GALNT11: variants seen among roughly 807,000 people sequenced by gnomAD.
GALNT11 encodes the protein UDP-GalNAc:polypeptide N-acetylgalactosaminyltransferase 11.
Under a neutral mutation model 72.7 loss-of-function variants are expected in GALNT11, and 47 were observed. That is an observed-to-expected ratio of 0.65 (90% CI 0.51 to 0.82). The LOEUF is 0.82. Ranked by LOEUF, GALNT11 falls within the 40% of genes least tolerant of loss-of-function variation. The probability of loss-of-function intolerance (pLI) is 0.00; values close to 1 mark genes in which losing one functional copy is unlikely to be tolerated. For synonymous variants in GALNT11, 270 were observed against 286.6 expected, an observed-to-expected ratio of 0.94 and a Z score of 0.58; for missense variants, 677 against 778.4, an observed-to-expected ratio of 0.87 and a Z score of 1.55.
At chr7:152,107,582 G>GT (rs1160651265) in intron 5 of GALNT11, 2 of 158,544 alleles carry the variant, frequency 1.3e-5, no homozygotes, top group Non-Finnish European at 2.8e-5. Flanking sequence ...GTTTACTGAG[G>GT]CAGAGAGATG....
At chr7:152,052,234 C>T (rs1223734530) in intron 1 of GALNT11, among the ~76,000 whole-genome samples, 3 of 152,060 alleles carry the variant, frequency 2.0e-5, no homozygotes, top group Admixed American at 6.6e-5. Context: ...GTATATATCA[C>T]AGTTTGCTTA....
chr7:152,044,963 A>G (rs988077986), intron 1 of GALNT11, among the ~76,000 whole-genome samples: 1 of 151,964 alleles, frequency 6.6e-6, no homozygotes, highest in Non-Finnish European at 1.5e-5. Context: ...TGTTCCTTCT[A>G]TACCCGGTTT....
chr7:152,085,039 C>T (rs2085558418), intron 1 of GALNT11, among the ~76,000 whole-genome samples: 1 of 152,192 alleles, frequency 6.6e-6, no homozygotes, highest in Admixed American at 6.5e-5. Flanking sequence ...AATTATTTGG[C>T]CACACCAGGT....
chr7:152,110,765 C>T, intron 7 of GALNT11, 120 bp downstream of exon 7: 1 of 783,362 alleles, frequency 1.3e-6, no homozygotes, highest in South Asian at 1.7e-5. Context: ...GGGTCTTTCT[C>T]TGCTGCCCAG....
chr7:152,068,387 G>A lies in GALNT11; in HGVS notation c.-38-25803G>A, dbSNP rs140979019. Among the ~76,000 whole-genome samples, 550 of 152,196 alleles carry A rather than the reference G, an allele frequency of 3.6e-3. 4 individuals carry two copies. The highest frequency in any genetic ancestry group is 0.013 in the African/African-American group (528 of 41,522). Reference sequence around the variant, plus strand: ...TTTGCTGAATAAAACTCCATTGTATGGATGTACCACTGTTCATTCATCTTT... The same window carrying A: ...TTTGCTGAATAAAACTCCATTGTATAGATGTACCACTGTTCATTCATCTTT... On this transcript the variant is annotated intron_variant, in intron 1 of 11. Transcript: ENST00000430044.
chr7:152,121,100 A>G (rs991800811), intron 11 of GALNT11, 132 bp downstream of exon 11: 24 of 1,033,484 alleles, frequency 2.3e-5, no homozygotes, highest in Middle Eastern at 2.5e-4. Context: ...TCCCCCCAGA[A>G]ACCACAGGTA....
chr7:152,095,358 A>C (rs2086305192), intron 2 of GALNT11, among the ~76,000 whole-genome samples: 2 of 152,156 alleles, frequency 1.3e-5, no homozygotes, highest in African/African-American at 4.8e-5. Context: ...TTGTCACAAA[A>C]ACATCAAATA....
chr7:152,062,558 A>C (rs1319223514), intron 1 of GALNT11, among the ~76,000 whole-genome samples: 2 of 152,164 alleles, frequency 1.3e-5, no homozygotes, highest in Non-Finnish European at 2.9e-5. Flanking sequence ...TTCAAAGGGA[A>C]TGCTTCCAGT....
intron 1 of GALNT11, among the ~76,000 whole-genome samples, chr7:152,027,134 A>G (rs1019551780): frequency 7.3e-4 from 111 of 152,232 alleles, no homozygotes; most frequent in African/African-American, 2.6e-3. Context: ...CTGTAATCCC[A>G]GCTACTTGGG....
chr7:152,089,846 C>T (rs1363732523), intron 1 of GALNT11, among the ~76,000 whole-genome samples: 1 of 152,150 alleles, frequency 6.6e-6, no homozygotes, highest in Non-Finnish European at 1.5e-5. Context: ...TTATGATTTA[C>T]TCTTTAACAA....
intron 2 of GALNT11, among the ~76,000 whole-genome samples, chr7:152,097,424 C>T (rs1303361538): frequency 1.3e-5 from 2 of 152,150 alleles, no homozygotes; most frequent in East Asian, 3.9e-4. Context: ...ATAGTGCAGC[C>T]ACTATAGACA....
At chr7:152,121,405 C>A in intron 11 of GALNT11, 141 bp from the exon 12 acceptor site, 1 of 925,936 alleles carries the variant, frequency 1.1e-6, no homozygotes, top group Non-Finnish European at 1.6e-6. Flanking sequence ...CTGCAGATAA[C>A]AAACAGCAGA....
chr7:152,063,691 C>G (rs1483419634), intron 1 of GALNT11, among the ~76,000 whole-genome samples: 1 of 152,168 alleles, frequency 6.6e-6, no homozygotes, highest in Non-Finnish European at 1.5e-5. Flanking sequence ...CAAAGAACAT[C>G]TTTATTTCTG....
At chr7:152,068,634 T>A (rs1232547213) in intron 1 of GALNT11, among the ~76,000 whole-genome samples, 1 of 151,948 alleles carries the variant, frequency 6.6e-6, no homozygotes, top group South Asian at 2.1e-4. Flanking sequence ...TTGCTGATAT[T>A]GGTAATTTGT....
At chr7:152,074,878 G>C (rs1183213502) in intron 1 of GALNT11, 1 of 152,352 alleles carries the variant, frequency 6.6e-6, no homozygotes, top group Non-Finnish European at 1.5e-5. Context: ...GCTGGAGGGG[G>C]CTGGAGTGGG....
chr7:152,108,954 C>T (rs1215770806), intron 6 of GALNT11, among the ~76,000 whole-genome samples: 4 of 152,156 alleles, frequency 2.6e-5, no homozygotes, highest in African/African-American at 7.2e-5. Flanking sequence ...AGAAGGTTCA[C>T]GTTTCAGTTA....
chr7:152,071,558 TATC>T (rs1254676798), intron 1 of GALNT11, among the ~76,000 whole-genome samples: 1 of 152,144 alleles, frequency 6.6e-6, no homozygotes, highest in Non-Finnish European at 1.5e-5. Flanking sequence ...TTAATGCAAT[TATC>T]ATAGGTCCTG....
At chr7:152,087,638 A>G (rs1256418552) in intron 1 of GALNT11, among the ~76,000 whole-genome samples, 1 of 152,232 alleles carries the variant, frequency 6.6e-6, no homozygotes, top group Non-Finnish European at 1.5e-5. Context: ...CATCCTATAG[A>G]TACTTTTCAG....
intron 5 of GALNT11, 40 bp downstream of exon 5, chr7:152,105,410 G>T: frequency 6.3e-7 from 1 of 1,593,686 alleles, no homozygotes; most frequent in South Asian, 1.1e-5. Context: ...GGTGTTGGAT[G>T]ACAAGGGCTC....
Sources: gnomAD v4.1 joint callset for allele counts (sites outside exome capture counted in the v4.1 genomes callset) on GRCh38, gnomAD v4.1.1 for gene constraint, MANE v1.5 for transcripts, NCBI Gene and HGNC (gene_info 2026-07-23, HGNC 2026-07-21) for gene names.